Variants in SEMA6D observed in about 807,000 individuals in gnomAD.
SEMA6D encodes the protein semaphorin 6D, also known as semaphorin-6D.
In SEMA6D, 35 loss-of-function variants were observed where a neutral mutation model predicts 106.6. That is an observed-to-expected ratio of 0.33 (90% CI 0.25 to 0.44). The LOEUF (loss-of-function observed/expected upper bound fraction) is 0.44. Ranked by LOEUF, SEMA6D falls within the 20% of genes least tolerant of loss-of-function variation. SEMA6D has a pLI of 1.00. For synonymous variants in SEMA6D, 499 were observed against 487.7 expected (o/e 1.02, Z -0.31); for missense variants, 1,185 against 1,345.9 (o/e 0.88, Z 1.87).
At chr15:47,270,718 A>G (rs2012245) in intron 1 of SEMA6D, among the ~76,000 whole-genome samples, 150,759 of 152,230 alleles carry the variant, frequency 0.99, 74,661 homozygotes, top group Middle Eastern at 1. Context: ...TACAGGCCGA[A>G]CGCGGTGGTT....
intron 4 of SEMA6D, among the ~76,000 whole-genome samples, chr15:47,686,163 A>G (rs1023184678): frequency 2.6e-5 from 4 of 152,216 alleles, no homozygotes; most frequent in African/African-American, 7.2e-5. Flanking sequence ...TTATTTACTT[A>G]TACTCTACCT....
At chr15:47,647,272 G>C (rs2077597756) in intron 4 of SEMA6D, among the ~76,000 whole-genome samples, 1 of 152,186 alleles carries the variant, frequency 6.6e-6, no homozygotes, top group Non-Finnish European at 1.5e-5. Flanking sequence ...TTAATAGCGT[G>C]TCAACAAGTA....
intron 4 of SEMA6D, among the ~76,000 whole-genome samples, chr15:47,648,949 C>A (rs2077632515): frequency 6.6e-6 from 1 of 152,102 alleles, no homozygotes; most frequent in Non-Finnish European, 1.5e-5. Flanking sequence ...TTGACAACAG[C>A]AAGTGAGGAC....
intron 4 of SEMA6D, among the ~76,000 whole-genome samples, chr15:47,677,602 CAA>C (rs2078271761): frequency 6.6e-6 from 1 of 152,224 alleles, no homozygotes; most frequent in South Asian, 2.1e-4. Context: ...TACTGCTTAT[CAA>C]GAGATCTGAA....
At position 47,227,564 on chromosome 15, in the gene SEMA6D, C is replaced by G. The variant is rs548962746; in HGVS notation, c.-239+43146C>G. ...TCTTTCTCTCTCTCTGTCTCTCTCTCTCTCTCACACACACACACACACACA... is the reference window on the plus strand; with the variant it reads ...TCTTTCTCTCTCTCTGTCTCTCTCTGTCTCTCACACACACACACACACACA... On this transcript the variant is annotated intron_variant, in intron 1 of 19. Transcript: ENST00000558014. 0.01 allele frequency among the ~76,000 whole-genome samples: 858 copies of G among 85,418 alleles called. 30 individuals carry two copies. In the East Asian group the frequency reaches 0.21, roughly 21 times the overall value. 56.0% of individuals were successfully genotyped at this position (85,418 alleles called of 152,430 possible). A position where few individuals can be genotyped will look rare whatever the true frequency, so the allele number is the denominator to read the frequency against.
intron 3 of SEMA6D, among the ~76,000 whole-genome samples, chr15:47,520,847 C>G (rs965849620): frequency 2.6e-5 from 4 of 152,122 alleles, no homozygotes; most frequent in African/African-American, 9.7e-5. Context: ...TAGAGTCTGG[C>G]AAAAGTGGAT....
At chr15:47,592,360 A>T (rs894841304) in intron 3 of SEMA6D, among the ~76,000 whole-genome samples, 2 of 152,174 alleles carry the variant, frequency 1.3e-5, no homozygotes, top group Non-Finnish European at 2.9e-5. Flanking sequence ...AAGTGGGGAA[A>T]CAGTACCTAA....
At chr15:47,726,535 A>G (rs370000330) in intron 1 of SEMA6D, among the ~76,000 whole-genome samples, 1 of 152,236 alleles carries the variant, frequency 6.6e-6, no homozygotes, top group African/African-American at 2.4e-5. Context: ...GAGTAAGAAC[A>G]TGAACTCTTG....
rs955864160 is a variant in SEMA6D at position 47,597,860 on chromosome 15, T to TTA, written c.-86-2994_-86-2993dup. 7.4e-5 allele frequency among the ~76,000 whole-genome samples: 11 copies of TTA among 149,092 alleles called. No homozygotes were observed. The East Asian group carries it at 7.8e-4, about 11-fold the overall frequency. ...CACATCATTCATACATATATATATATTATATATATATAACATATAAAATAA... is the reference window on the plus strand; with the variant it reads ...CACATCATTCATACATATATATATATTATATATATATATAACATATAAAATAA... On this transcript the variant is annotated intron_variant, in intron 3 of 19. Coordinates refer to the SEMA6D transcript ENST00000558014.
At chr15:47,325,453 T>C (rs2037095265) in intron 1 of SEMA6D, among the ~76,000 whole-genome samples, 1 of 151,768 alleles carries the variant, frequency 6.6e-6, no homozygotes, top group South Asian at 2.1e-4. Context: ...ATTACAGGCG[T>C]GAGCCACCGC....
At chr15:47,316,871 TTTTTC>T (rs1162032630) in intron 1 of SEMA6D, among the ~76,000 whole-genome samples, 1 of 152,180 alleles carries the variant, frequency 6.6e-6, no homozygotes, top group Non-Finnish European at 1.5e-5. Context: ...TTAGTCTGTA[TTTTTC>T]TTTTCTTGTA....
chr15:47,552,807 A>AAAAATATATAAATATATATATTTTTT (rs1566882322), intron 3 of SEMA6D, among the ~76,000 whole-genome samples: 2 of 13,062 alleles, frequency 1.5e-4, no homozygotes, highest in African/African-American at 6.5e-4. Context: ...TATATATAAA[A>AAAAATATATAAATATATATATTTTTT]ATATATATAA....
intron 2 of SEMA6D, among the ~76,000 whole-genome samples, chr15:47,426,766 A>G (rs1434900565): frequency 1.3e-5 from 2 of 152,162 alleles, no homozygotes; most frequent in African/African-American, 4.8e-5. Flanking sequence ...CCAATGCTAG[A>G]AAGGACTAGT....
At chr15:47,596,934 G>C (rs1014154825) in intron 3 of SEMA6D, among the ~76,000 whole-genome samples, 4 of 151,722 alleles carry the variant, frequency 2.6e-5, no homozygotes, top group African/African-American at 9.7e-5. Context: ...TAAACAAAAG[G>C]CATTACATCA....
At chr15:47,629,087 C>G (rs2077250617) in intron 4 of SEMA6D, among the ~76,000 whole-genome samples, 1 of 152,004 alleles carries the variant, frequency 6.6e-6, no homozygotes, top group Non-Finnish European at 1.5e-5. Context: ...TGTCATTGAT[C>G]TATATGTCTG....
chr15:47,462,046 C>T (rs1004065053), intron 2 of SEMA6D, among the ~76,000 whole-genome samples: 2 of 152,018 alleles, frequency 1.3e-5, no homozygotes, highest in Non-Finnish European at 2.9e-5. Flanking sequence ...TCTCCTTTTA[C>T]ATCCTGTTAG....
chr15:47,382,053 G>T (rs1386836307), intron 1 of SEMA6D, among the ~76,000 whole-genome samples: 2 of 152,136 alleles, frequency 1.3e-5, no homozygotes, highest in African/African-American at 4.8e-5. Flanking sequence ...GGAACCATTT[G>T]ATGAAATAAA....
chr15:47,258,634 A>AC (rs1342290348), intron 1 of SEMA6D, among the ~76,000 whole-genome samples: 1 of 151,014 alleles, frequency 6.6e-6, no homozygotes, highest in Non-Finnish European at 1.5e-5. Context: ...ACCCCGTCTG[A>AC]CCCCCTCTCC....
intron 1 of SEMA6D, among the ~76,000 whole-genome samples, chr15:47,757,852 A>G (rs2081841900): frequency 6.6e-6 from 1 of 152,304 alleles, no homozygotes; most frequent in Non-Finnish European, 1.5e-5. Context: ...AGAGAGGTCT[A>G]ACTTTTCTCA....
Sources: gnomAD v4.1 joint callset for allele counts (sites outside exome capture counted in the v4.1 genomes callset) on GRCh38, gnomAD v4.1.1 for gene constraint, MANE v1.5 for transcripts, NCBI Gene and HGNC (gene_info 2026-07-23, HGNC 2026-07-21) for gene names.